The following SGCD variants were observed in gnomAD, a reference collection of about 807,000 sequenced individuals.
SGCD encodes sarcoglycan delta.
In SGCD, 18 loss-of-function variants were observed where a neutral mutation model predicts 36.6. The observed-to-expected ratio is 0.49, with a 90% confidence interval of 0.34 to 0.73. SGCD has a LOEUF of 0.73. Among genes scored for constraint, SGCD ranks in the 30% least tolerant of loss-of-function variants. The probability of loss-of-function intolerance (pLI) is 0.01; values close to 1 mark genes in which losing one functional copy is unlikely to be tolerated. For missense variants in SGCD, 387 were observed against 346.7 expected, an observed-to-expected ratio of 1.12 and a Z score of -0.92; for synonymous variants, 133 against 130.6, an observed-to-expected ratio of 1.02 and a Z score of -0.12.
At chr5:156,006,716 G>A (rs926078496) in intron 1 of SGCD, among the ~76,000 whole-genome samples, 8 of 152,134 alleles carry the variant, frequency 5.3e-5, no homozygotes, top group African/African-American at 1.7e-4. Context: ...TAAATGGGTG[G>A]ATTCTATTTT....
At chr5:156,055,128 G>A (rs981745183) in intron 1 of SGCD, among the ~76,000 whole-genome samples, 1 of 141,212 alleles carries the variant, frequency 7.1e-6, no homozygotes, top group Non-Finnish European at 1.6e-5. Context: ...GCCTATAGCA[G>A]TGCCAGCTTC....
intron 3 of SGCD, among the ~76,000 whole-genome samples, chr5:156,346,126 T>G (rs1194020103): frequency 6.6e-6 from 1 of 152,124 alleles, no homozygotes; most frequent in African/African-American, 2.4e-5. Context: ...CTTGACTTAA[T>G]TAGCACTCTA....
chr5:155,749,922 G>T, the SGCD span, among the ~76,000 whole-genome samples: 1 of 152,162 alleles, frequency 6.6e-6, no homozygotes, highest in Non-Finnish European at 1.5e-5. Context: ...AGATTCAGCT[G>T]ATTTTAAATC....
chr5:156,089,717 A>G (rs1289795666), intron 1 of SGCD, among the ~76,000 whole-genome samples: 2 of 152,148 alleles, frequency 1.3e-5, no homozygotes, highest in Non-Finnish European at 2.9e-5. Context: ...GTAGTGATTT[A>G]AGTTTTGGGA....
intron 3 of SGCD, among the ~76,000 whole-genome samples, chr5:156,163,856 TA>T (rs1264015839): frequency 6.7e-6 from 1 of 149,920 alleles, no homozygotes; most frequent in Admixed American, 6.6e-5. Context: ...CCGTCTCTAC[TA>T]AAAAAAATAC....
intron 7 of SGCD, among the ~76,000 whole-genome samples, chr5:156,656,994 A>G (rs1581346336): frequency 1.3e-5 from 2 of 152,176 alleles, no homozygotes; most frequent in African/African-American, 4.8e-5. Context: ...ATTGGGAAAC[A>G]AGGATTAGAC....
intron 3 of SGCD, among the ~76,000 whole-genome samples, chr5:156,401,343 C>T (rs1772135710): frequency 6.6e-6 from 1 of 152,184 alleles, no homozygotes; most frequent in African/African-American, 2.4e-5. Context: ...GGTGCTCTAT[C>T]ATTCAGTGTT....
intron 3 of SGCD, among the ~76,000 whole-genome samples, chr5:156,149,492 G>C (rs936422562): frequency 2.0e-5 from 3 of 152,166 alleles, no homozygotes; most frequent in Non-Finnish European, 4.4e-5. Context: ...TCAGGATCCA[G>C]AGTCTGTGAT....
chr5:156,238,244 A>C (rs898499199), intron 3 of SGCD, among the ~76,000 whole-genome samples: 1 of 152,194 alleles, frequency 6.6e-6, no homozygotes, highest in Non-Finnish European at 1.5e-5. Flanking sequence ...CACCTGACCT[A>C]AGATAAATAG....
rs887092015 is a variant in SGCD, at chr5:156,485,017, C to CT, written c.193-23572dup. Among the ~76,000 whole-genome samples, 1,355 of 147,288 alleles carry CT rather than the reference C, an allele frequency of 9.2e-3. 19 individuals are homozygous for CT. Among genetic ancestry groups the CT allele is most frequent in the African/African-American group, 0.025 (1,012 of 40,300 alleles). ...CTGCCATATAACCTTTGGAAACAAA[C>CT]TTTTTTTTTTTTCATAACGATTTTT... On this transcript the variant is annotated intron_variant, in intron 3 of 8. Coordinates refer to ENST00000337851, the MANE Select transcript of SGCD (RefSeq NM_000337.6).
chr5:156,528,714 C>T (rs901189614), intron 4 of SGCD, among the ~76,000 whole-genome samples: 15 of 152,158 alleles, frequency 9.9e-5, no homozygotes, highest in African/African-American at 1.7e-4. Context: ...TTCATCTTTA[C>T]GTACTCTGCA....
intron 2 of SGCD, among the ~76,000 whole-genome samples, chr5:156,343,962 T>A (rs556809712): frequency 2.0e-5 from 3 of 152,188 alleles, no homozygotes; most frequent in African/African-American, 7.2e-5. Context: ...AGGACCCCCC[T>A]TTTAAATCTG....
At chr5:156,473,857 C>G (rs1755071732) in intron 3 of SGCD, among the ~76,000 whole-genome samples, 1 of 152,054 alleles carries the variant, frequency 6.6e-6, no homozygotes, top group African/African-American at 2.4e-5. Context: ...ATCATATCCA[C>G]AAGGCTTGAG....
intron 1 of SGCD, among the ~76,000 whole-genome samples, chr5:155,898,715 C>T (rs113589260): frequency 6.6e-6 from 1 of 152,178 alleles, no homozygotes; most frequent in South Asian, 2.1e-4. Flanking sequence ...TGCCAGCCAT[C>T]CCCTCAGGAT....
chr5:155,897,867 T>C (rs1272945937), intron 1 of SGCD, among the ~76,000 whole-genome samples: 2 of 152,182 alleles, frequency 1.3e-5, no homozygotes, highest in Non-Finnish European at 2.9e-5. Flanking sequence ...CAGCACATGA[T>C]TGTACTCAAA....
intron 3 of SGCD, among the ~76,000 whole-genome samples, chr5:156,382,903 T>C (rs1771060400): frequency 1.3e-5 from 2 of 152,176 alleles, no homozygotes; most frequent in African/African-American, 4.8e-5. Flanking sequence ...GGCATTCTGG[T>C]GACTAAAACT....
intron 2 of SGCD, among the ~76,000 whole-genome samples, chr5:156,332,456 A>G (rs954741212): frequency 2.0e-5 from 3 of 152,120 alleles, no homozygotes; most frequent in Non-Finnish European, 2.9e-5. Context: ...TGACCCCGCT[A>G]TCTGACCTGT....
intron 1 of SGCD, among the ~76,000 whole-genome samples, chr5:156,028,552 T>C (rs910034013): frequency 7.2e-5 from 11 of 152,270 alleles, no homozygotes; most frequent in African/African-American, 2.6e-4. Flanking sequence ...CCTTAATGAA[T>C]ACTGAAAACT....
rs118183545 is a variant in SGCD, at chr5:156,361,395, C to G, written c.192+16718C>G. On this transcript the variant is annotated intron_variant, in intron 3 of 8. Transcript: ENST00000337851. ...TCTGCTCTGTTACTGATGATCTAGA[C>G]AATTATTGGCAAAGTACCTAATCTT... is the stretch of plus-strand genomic sequence containing the variant. 1.1e-4 allele frequency among the ~76,000 whole-genome samples: 16 copies of G among 152,324 alleles called. No homozygotes were observed. The East Asian group carries it at 3.1e-3, about 29-fold the overall frequency.
Sources: gnomAD v4.1 joint callset for allele counts (sites outside exome capture counted in the v4.1 genomes callset) on GRCh38, gnomAD v4.1.1 for gene constraint, MANE v1.5 for transcripts, NCBI Gene and HGNC (gene_info 2026-07-23, HGNC 2026-07-21) for gene names.